Variants in PRKG1 observed in about 807,000 individuals in gnomAD.
The protein encoded by PRKG1 is cGMP-dependent protein kinase 1.
A neutral mutation model predicts 88.1 loss-of-function variants in PRKG1; 35 were observed. The ratio of observed to expected loss-of-function variants is 0.40; its 90% CI spans 0.30 to 0.53. The LOEUF (loss-of-function observed/expected upper bound fraction) is 0.53. PRKG1 is among the 20% of genes least tolerant of loss of function. The probability of loss-of-function intolerance (pLI) is 0.59; values close to 1 mark genes in which losing one functional copy is unlikely to be tolerated. For missense variants in PRKG1, 540 were observed against 839.8 expected (o/e 0.64, Z 4.41); for synonymous variants, 303 against 292.5 (o/e 1.04, Z -0.37).
chr10:51,583,753 T>A (rs1589106176), intron 3 of PRKG1, among the ~76,000 whole-genome samples: 1 of 152,220 alleles, frequency 6.6e-6, no homozygotes, highest in East Asian at 1.9e-4. Context: ...GTAGGATGAA[T>A]TATACCTCAG....
intron 5 of PRKG1, among the ~76,000 whole-genome samples, chr10:52,044,539 G>A (rs181893774): frequency 1.8e-4 from 27 of 152,180 alleles, no homozygotes; most frequent in Admixed American, 5.9e-4. Context: ...AAAGTTTATG[G>A]CTTTTGTAAA....
At chr10:51,994,521 A>G (rs1027809204) in intron 5 of PRKG1, among the ~76,000 whole-genome samples, 4 of 152,146 alleles carry the variant, frequency 2.6e-5, no homozygotes, top group African/African-American at 9.7e-5. Context: ...CTTTTGCTTC[A>G]TCTCTGCGAT....
chr10:51,716,498 TTCC>T (rs1841889972), intron 3 of PRKG1, among the ~76,000 whole-genome samples: 1 of 152,168 alleles, frequency 6.6e-6, no homozygotes, highest in Non-Finnish European at 1.5e-5. Flanking sequence ...CTTAAAGTGT[TTCC>T]TGGAAATAAG....
intron 3 of PRKG1, among the ~76,000 whole-genome samples, chr10:51,533,231 T>C (rs1842059798): frequency 6.6e-6 from 1 of 152,238 alleles, no homozygotes; most frequent in African/African-American, 2.4e-5. Context: ...AATATGGATT[T>C]TTCCTTTCAA....
At chr10:51,350,783 T>A (rs933577724) in intron 2 of PRKG1, among the ~76,000 whole-genome samples, 3 of 152,204 alleles carry the variant, frequency 2.0e-5, no homozygotes, top group South Asian at 2.1e-4. Context: ...TTCTTTAATA[T>A]ACTTTAAGTT....
intron 7 of PRKG1, among the ~76,000 whole-genome samples, chr10:52,109,743 A>T (rs1847511253): frequency 1.3e-5 from 2 of 152,246 alleles, no homozygotes; most frequent in East Asian, 3.9e-4. Flanking sequence ...AGCCTGGGTG[A>T]CAGAGCCAGA....
intron 4 of PRKG1, among the ~76,000 whole-genome samples, chr10:51,849,221 G>C (rs1252962917): frequency 6.6e-6 from 1 of 152,036 alleles, no homozygotes; most frequent in African/African-American, 2.4e-5. Flanking sequence ...TTAGTACATA[G>C]GGAAAAGAAC....
intron 5 of PRKG1, among the ~76,000 whole-genome samples, chr10:52,014,050 G>A (rs569901933): frequency 6.6e-6 from 1 of 152,006 alleles, no homozygotes; most frequent in Non-Finnish European, 1.5e-5. Context: ...CTGAAATAAT[G>A]CATTACTAAA....
Position 51,153,148 on chromosome 10 carries a change from C to T in PRKG1, c.312-16C>T. The T allele has an allele frequency of 1.9e-6, 3 of 1,606,976 alleles. No homozygotes were observed. The highest frequency in any genetic ancestry group is 2.6e-6 in the Non-Finnish European group (3 of 1,176,018). On this transcript the variant is annotated splice_polypyrimidine_tract_variant and intron_variant, in intron 1 of 17. Coordinates refer to ENST00000373980, the MANE Select transcript of PRKG1 (RefSeq NM_006258.4). ...CTTGTCAGATGTGCCAGTAAATCTT[C>T]CCTCTCTTGCCATAGGTCCAAGGAT...
intron 7 of PRKG1, among the ~76,000 whole-genome samples, chr10:52,083,238 A>G (rs1193937338): frequency 6.6e-6 from 1 of 152,052 alleles, no homozygotes; most frequent in East Asian, 1.9e-4. Flanking sequence ...CAGGTACAAC[A>G]TCGTTCTTTG....
intron 9 of PRKG1, among the ~76,000 whole-genome samples, chr10:52,228,100 G>A (rs1394158104): frequency 2.6e-5 from 4 of 152,098 alleles, no homozygotes; most frequent in African/African-American, 9.7e-5. Flanking sequence ...AAATTTGAAG[G>A]TCGAGTGTGG....
intron 5 of PRKG1, among the ~76,000 whole-genome samples, chr10:51,962,244 G>C (rs1244194109): frequency 1.3e-5 from 2 of 152,094 alleles, no homozygotes; most frequent in Non-Finnish European, 2.9e-5. Flanking sequence ...TCAAATTCTG[G>C]GAGCTTTGTC....
intron 3 of PRKG1, among the ~76,000 whole-genome samples, chr10:51,489,643 A>T (rs1840653665): frequency 6.6e-6 from 1 of 151,940 alleles, no homozygotes; most frequent in Non-Finnish European, 1.5e-5. Context: ...TAAACAGGAA[A>T]ATGACATGTG....
At chr10:51,750,768 AAC>A (rs1361137726) in intron 3 of PRKG1, among the ~76,000 whole-genome samples, 1 of 152,228 alleles carries the variant, frequency 6.6e-6, no homozygotes, top group Non-Finnish European at 1.5e-5. Context: ...AAGGGATTAT[AAC>A]ATGTGCTTAA....
At chr10:51,558,828 C>G (rs1317933227) in intron 3 of PRKG1, among the ~76,000 whole-genome samples, 1 of 152,016 alleles carries the variant, frequency 6.6e-6, no homozygotes, top group East Asian at 1.9e-4. Context: ...TTGTCTTCAG[C>G]ATGGTATTTT....
intron 4 of PRKG1, among the ~76,000 whole-genome samples, chr10:51,813,583 G>A (rs997360669): frequency 1.3e-5 from 2 of 152,172 alleles, no homozygotes; most frequent in Admixed American, 1.3e-4. Flanking sequence ...GAATACTAAG[G>A]CCAAACAGAT....
At chr10:51,141,300 G>A (rs1226091766) in intron 1 of PRKG1, among the ~76,000 whole-genome samples, 2 of 152,094 alleles carry the variant, frequency 1.3e-5, no homozygotes, top group African/African-American at 2.4e-5. Context: ...TTGGCTTCAC[G>A]GCCTGCCTAA....
chr10:51,100,655 A>G lies in PRKG1; in HGVS notation c.311+25754A>G, dbSNP rs567725559. ...TTCCTTAAAATAACCAGGCTTCACT[A>G]AAGACTTACAGGTAAGAAGCCTTTC... On this transcript the variant is annotated intron_variant, in intron 1 of 17. Transcript: ENST00000373980. Among the ~76,000 whole-genome samples, 13 of 142,348 alleles carry G rather than the reference A, an allele frequency of 9.1e-5. No individual in the cohort carries two copies. In the East Asian group the frequency reaches 2.5e-3, roughly 28 times the overall value. 93.4% of individuals were successfully genotyped at this position (142,348 alleles called of 152,430 possible).
rs190255783 is a variant in PRKG1 at position 51,488,510 on chromosome 10, G to A, written c.592+20674G>A. ...ATGGAAATATTTTATTTGGCTGATG[G>A]CAGCACTATAAACCAGCTCCGTAGT... On this transcript the variant is annotated intron_variant, in intron 3 of 17. Coordinates refer to ENST00000373980, the MANE Select transcript of PRKG1 (RefSeq NM_006258.4). 1.9e-3 allele frequency among the ~76,000 whole-genome samples: 289 copies of A among 152,112 alleles called. 2 individuals carry two copies. The highest frequency in any genetic ancestry group is 6.8e-3 in the African/African-American group (284 of 41,482).
Sources: gnomAD v4.1 joint callset for allele counts (sites outside exome capture counted in the v4.1 genomes callset) on GRCh38, gnomAD v4.1.1 for gene constraint, MANE v1.5 for transcripts, NCBI Gene and HGNC (gene_info 2026-07-23, HGNC 2026-07-21) for gene names.